The following NDP variants were observed in gnomAD, a reference collection of about 807,000 sequenced individuals.
NDP encodes norrin cystine knot growth factor NDP.
Under a neutral mutation model 8.4 loss-of-function variants are expected in NDP, and 2 were observed. That is an observed-to-expected ratio of 0.24 (90% CI 0.10 to 0.75). NDP has a LOEUF of 0.75. Among genes scored for constraint, NDP ranks in the 30% least tolerant of loss-of-function variants. The pLI is 0.73. For synonymous variants in NDP, 55 were observed against 45.6 expected (o/e 1.21, Z -0.83); for missense variants, 81 against 110.1 (o/e 0.74, Z 1.18).
intron 1 of NDP, among the ~76,000 whole-genome samples, chrX:43,964,468 T>C (rs1343827355): frequency 9.0e-6 from 1 of 110,896 alleles, no homozygotes; most frequent in South Asian, 3.8e-4. Context: ...GGGACTGGAG[T>C]GGGAGGACTC....
chrX:43,950,066 C>T, intron 2 of NDP, 40 bp from the exon 3 acceptor site: 1 of 1,108,188 alleles, frequency 9.0e-7, no homozygotes, highest in Non-Finnish European at 1.2e-6. Context: ...GTGGGCATGC[C>T]ACAACCTTAG....
At chrX:43,959,267 G>A (rs1011847528) in intron 1 of NDP, among the ~76,000 whole-genome samples, 8 of 111,550 alleles carry the variant, frequency 7.2e-5, no homozygotes, top group Admixed American at 2.9e-4. Flanking sequence ...CAGCTTACAG[G>A]GCTAGAGAGG....
intron 1 of NDP, among the ~76,000 whole-genome samples, chrX:43,959,492 A>G (rs747010353): frequency 5.6e-4 from 63 of 112,478 alleles, no homozygotes; most frequent in Non-Finnish European, 6.8e-4. Context: ...AAGGTATCAC[A>G]CGCGTATTTG....
In NDP at chrX:43,949,776, G is replaced by A; in HGVS notation, c.*23C>T. Reference sequence around the variant, plus strand: ...ACTGCCTCTACAGTTGTCCCATCCAGAAGCCACACACAGCAGCGGGCCTCA... The same window carrying A: ...ACTGCCTCTACAGTTGTCCCATCCAAAAGCCACACACAGCAGCGGGCCTCA... On this transcript the variant is annotated 3_prime_UTR_variant, in exon 3 of 3. Coordinates refer to ENST00000642620, the MANE Select transcript of NDP (RefSeq NM_000266.4). 8.6e-7 allele frequency: 1 copy of A among 1,159,393 alleles called. No homozygotes were observed. The highest frequency in any genetic ancestry group is 1.9e-5 in the South Asian group (1 of 52,562).
At chrX:43,972,855 G>C (rs1387638947) in intron 1 of NDP, among the ~76,000 whole-genome samples, 1 of 112,713 alleles carries the variant, frequency 8.9e-6, no homozygotes, top group Non-Finnish European at 1.9e-5. Flanking sequence ...AGTAATAAAA[G>C]TAAACAGTGC....
At chrX:43,971,972 G>A (rs917733749) in intron 1 of NDP, among the ~76,000 whole-genome samples, 2 of 111,598 alleles carry the variant, frequency 1.8e-5, no homozygotes, top group Non-Finnish European at 3.8e-5. Context: ...TGGTTTAAAC[G>A]CTCAGTTGAG....
chrX:43,949,932 C>T lies in NDP; in HGVS notation c.269G>A (p.Arg90His), dbSNP rs104894867. The T allele has an allele frequency of 6.6e-5, 79 of 1,205,187 alleles. No individual in the cohort carries two copies. The highest frequency in any genetic ancestry group is 8.4e-5 in the Non-Finnish European group (75 of 892,999). ...SFSTVLKQPF[R>H]SSCHCCRPQT... ...GGGCCGGCAGCAGTGACAGGAGGAA[C>T]GGAAGGGTTGCTTGAGGACAGTGCT... The change falls in exon 3 of 3, where the codon CGT (arginine) becomes CAT (histidine). Residue 90 changes from arginine to histidine, a missense_variant. Transcript: ENST00000642620.
Position 43,958,733 on chromosome X carries a change from C to A in NDP, c.-88G>T. ...ATGGCTTCACCTCCTAGGATCCAGT[C>A]CCGTTCAAGGAAAGGGCAGGATCGG... On this transcript the variant is annotated 5_prime_UTR_variant, in exon 2 of 3. Transcript: ENST00000642620. 1 of 823,552 alleles carries A rather than the reference C, an allele frequency of 1.2e-6. No individual in the cohort carries two copies. Among genetic ancestry groups the A allele is most frequent in the South Asian group, 2.1e-5 (1 of 46,749 alleles). 67.9% of individuals were successfully genotyped at this position (823,552 alleles called of 1,213,427 possible).
At chrX:43,958,317 A>G (rs984172359) in intron 2 of NDP, among the ~76,000 whole-genome samples, 155 bp downstream of exon 2, 1 of 112,259 alleles carries the variant, frequency 8.9e-6, no homozygotes, top group Non-Finnish European at 1.9e-5. Context: ...GCACGGGGGG[A>G]AATTCTAAAA....
intron 2 of NDP, chrX:43,953,250 C>T (rs1171289034): frequency 9.0e-6 from 1 of 111,622 alleles, no homozygotes; most frequent in Non-Finnish European, 1.9e-5. Context: ...AAGGAATAAC[C>T]ATCTGCTCTC....
chrX:43,950,219 G>T lies in NDP; in HGVS notation c.175-193C>A, dbSNP rs73475745. On this transcript the variant is annotated intron_variant, in intron 2 of 2. Transcript: ENST00000642620. Reference sequence around the variant, plus strand: ...GATCGATTGAATTAAAATCCTTGGAGATAGGGACCAGGCTTTCATGGTTTT... The same window carrying T: ...GATCGATTGAATTAAAATCCTTGGATATAGGGACCAGGCTTTCATGGTTTT... 1,552 of 453,750 alleles carry T rather than the reference G, an allele frequency of 3.4e-3. 21 individuals carry two copies. In the African/African-American group the frequency reaches 0.034, roughly 10 times the overall value. 37.4% of individuals were successfully genotyped at this position (453,750 alleles called of 1,213,427 possible). A position where few individuals can be genotyped will look rare whatever the true frequency, so the allele number is the denominator to read the frequency against.
At chrX:43,971,868 T>G (rs2035892765) in intron 1 of NDP, among the ~76,000 whole-genome samples, 1 of 111,980 alleles carries the variant, frequency 8.9e-6, no homozygotes. Flanking sequence ...GCATAAACTG[T>G]GTACCAATTT....
chrX:43,955,312 C>A (rs926239892), intron 2 of NDP, among the ~76,000 whole-genome samples: 2 of 112,178 alleles, frequency 1.8e-5, no homozygotes, highest in Non-Finnish European at 3.8e-5. Context: ...ATGTGCTGGA[C>A]ACCGCTGGAT....
At position 43,953,127 on chromosome X, in the gene NDP, A is replaced by AACACACACACACACACACACACACAC. The variant is rs58114928; in HGVS notation, c.175-3127_175-3102dup. 9.3e-4 allele frequency among the ~76,000 whole-genome samples: 91 copies of AACACACACACACACACACACACACAC among 98,239 alleles called. 1 individual carries two copies. The highest frequency in any genetic ancestry group is 2.8e-3 in the African/African-American group (72 of 25,509). 85.3% of individuals were successfully genotyped at this position (98,239 alleles called of 115,157 possible). On this transcript the variant is annotated intron_variant, in intron 2 of 2. Coordinates refer to ENST00000642620, the MANE Select transcript of NDP (RefSeq NM_000266.4). The stretch of plus-strand genomic sequence containing the variant: ...CAATTATTGAACCATTGATGTTCTC[A>AACACACACACACACACACACACACAC]ACACACACACACACACACACACACA...
At chrX:43,965,330 G>T (rs963297380) in intron 1 of NDP, among the ~76,000 whole-genome samples, 1 of 110,737 alleles carries the variant, frequency 9.0e-6, no homozygotes, top group Middle Eastern at 4.6e-3. Context: ...GAGGTGGGAG[G>T]ATCACCTGAG....
chrX:43,969,053 A>T (rs2035874649), intron 1 of NDP, among the ~76,000 whole-genome samples: 1 of 111,747 alleles, frequency 8.9e-6, no homozygotes, highest in Admixed American at 9.5e-5. Flanking sequence ...AGGATGTCAC[A>T]GGGAGGTTTA....
chrX:43,965,373 C>A (rs779388235), intron 1 of NDP, among the ~76,000 whole-genome samples: 4 of 110,849 alleles, frequency 3.6e-5, no homozygotes, highest in Non-Finnish European at 7.5e-5. Context: ...GGGCTGTGAT[C>A]GCATCACTGC....
intron 1 of NDP, among the ~76,000 whole-genome samples, chrX:43,961,802 G>C (rs1315889414): frequency 9.0e-6 from 1 of 111,297 alleles, no homozygotes; most frequent in African/African-American, 3.3e-5. Context: ...ATAATTACGG[G>C]AAGGCATGCT....
At chrX:43,962,136 C>T (rs1049633260) in intron 1 of NDP, among the ~76,000 whole-genome samples, 16 of 111,658 alleles carry the variant, frequency 1.4e-4, no homozygotes, top group East Asian at 1.4e-3. Flanking sequence ...ACTCAGAAAA[C>T]GTGAGAGTTG....
Sources: allele counts gnomAD v4.1 joint callset (sites outside exome capture counted in the v4.1 genomes callset), GRCh38; gene constraint gnomAD v4.1.1; transcripts MANE v1.5; gene names NCBI Gene and HGNC (gene_info 2026-07-23, HGNC 2026-07-21).